Variants in ZNF385C observed in about 807,000 individuals in gnomAD.
ZNF385C encodes zinc finger protein 385C.
In ZNF385C, 28 loss-of-function variants were observed where a neutral mutation model predicts 35.4. The ratio of observed to expected loss-of-function variants is 0.79; its 90% CI spans 0.59 to 1.08. ZNF385C has a LOEUF of 1.08. ZNF385C is among the 50% of genes least tolerant of loss of function. The pLI is 0.00. For missense variants in ZNF385C, 605 were observed against 595.6 expected (o/e 1.02, Z -0.16); for synonymous variants, 248 against 248.2 (o/e 1.00, Z 0.01).
intron 8 of ZNF385C, 38 bp downstream of exon 8, chr17:42,027,580 C>G (rs782310937): frequency 1.4e-6 from 2 of 1,409,804 alleles, no homozygotes; most frequent in East Asian, 5.0e-5. Context: ...CTCTCCCCTC[C>G]TGACCCAGTC....
intron 2 of ZNF385C, among the ~76,000 whole-genome samples, chr17:42,041,554 T>G (rs1232770612): frequency 6.6e-6 from 1 of 152,226 alleles, no homozygotes; most frequent in African/African-American, 2.4e-5. Context: ...GTAAAAGCAC[T>G]TTATGAATCA....
At chr17:42,051,687 A>T (rs560198858) in intron 2 of ZNF385C, among the ~76,000 whole-genome samples, 4 of 152,258 alleles carry the variant, frequency 2.6e-5, no homozygotes, top group South Asian at 2.1e-4. Context: ...TCCAGACAGC[A>T]CAAAGTCACC....
intron 2 of ZNF385C, among the ~76,000 whole-genome samples, chr17:42,057,894 G>C (rs1010826445): frequency 6.6e-6 from 1 of 151,790 alleles, no homozygotes; most frequent in East Asian, 1.9e-4. Context: ...AATGAGTTGG[G>C]ATCACACCAC....
At position 42,055,199 on chromosome 17, in the gene ZNF385C, G is replaced by C. The variant is rs145187782; in HGVS notation, c.250+7608C>G. Among the ~76,000 whole-genome samples, 825 of 152,302 alleles carry C rather than the reference G, an allele frequency of 5.4e-3. 6 individuals carry two copies. Among genetic ancestry groups the C allele is most frequent in the African/African-American group, 0.014 (571 of 41,550 alleles). On this transcript the variant is annotated intron_variant, in intron 2 of 8. Transcript: ENST00000692273. Reference sequence around the variant, plus strand: ...AGAAGATCTGGGAGGGGTTGGCAGCGGCAGCTCCTGAAAACAGGTTTGTTA... The same window carrying C: ...AGAAGATCTGGGAGGGGTTGGCAGCCGCAGCTCCTGAAAACAGGTTTGTTA...
At chr17:42,027,552 T>TCAG in intron 8 of ZNF385C, 66 bp downstream of exon 8, 1 of 524,398 alleles carries the variant, frequency 1.9e-6, no homozygotes, top group Non-Finnish European at 3.5e-6. Flanking sequence ...CCCCCCCATC[T>TCAG]GGCCCTCCCA....
At chr17:42,051,811 G>A (rs1450754103) in intron 2 of ZNF385C, among the ~76,000 whole-genome samples, 2 of 152,136 alleles carry the variant, frequency 1.3e-5, no homozygotes, top group African/African-American at 4.8e-5. Context: ...GAACTCCTCT[G>A]CCCCAGCATC....
intron 1 of ZNF385C, among the ~76,000 whole-genome samples, chr17:42,091,324 C>T (rs2053861896): frequency 6.6e-6 from 1 of 152,084 alleles, no homozygotes; most frequent in African/African-American, 2.4e-5. Context: ...CCCAGCTATT[C>T]GTGAGGCTCT....
chr17:42,071,808 T>C (rs2053627662), intron 1 of ZNF385C, among the ~76,000 whole-genome samples: 1 of 152,222 alleles, frequency 6.6e-6, no homozygotes, highest in Non-Finnish European at 1.5e-5. Context: ...CCCAATCCCA[T>C]AGGACCCAGA....
intron 1 of ZNF385C, among the ~76,000 whole-genome samples, chr17:42,079,055 A>G (rs2053715604): frequency 1.3e-5 from 2 of 151,616 alleles, no homozygotes; most frequent in South Asian, 4.2e-4. Flanking sequence ...AGATAACAGA[A>G]TATACTAGCC....
At chr17:42,043,426 C>T in intron 2 of ZNF385C, 1 of 1,224,100 alleles carries the variant, frequency 8.2e-7, no homozygotes. Context: ...ATGCTCTTGC[C>T]CCCCTGCCTC....
At chr17:42,055,035 G>A (rs1370568088) in intron 2 of ZNF385C, among the ~76,000 whole-genome samples, 1 of 152,042 alleles carries the variant, frequency 6.6e-6, no homozygotes, top group Non-Finnish European at 1.5e-5. Context: ...GGGGTGGAGT[G>A]GGGGAAGGAG....
At chr17:42,028,600 A>T in intron 6 of ZNF385C, 183 bp downstream of exon 6, 1 of 775,592 alleles carries the variant, frequency 1.3e-6, no homozygotes, top group Non-Finnish European at 2.0e-6. Flanking sequence ...TTCTCTTCCC[A>T]ATTCTCCTTC....
chr17:42,058,114 A>T (rs1488958379), intron 2 of ZNF385C, among the ~76,000 whole-genome samples: 1 of 152,030 alleles, frequency 6.6e-6, no homozygotes, highest in Admixed American at 6.6e-5. Context: ...GGGAGTAAGA[A>T]TTCCAGGAGC....
chr17:42,043,483 C>T, intron 2 of ZNF385C: 1 of 1,048,202 alleles, frequency 9.5e-7, no homozygotes, highest in Non-Finnish European at 1.2e-6. Flanking sequence ...GATGGGGAGG[C>T]AGGCTGGGGG....
chr17:42,057,624 T>C (rs2143813535), intron 2 of ZNF385C, among the ~76,000 whole-genome samples: 1 of 149,196 alleles, frequency 6.7e-6, no homozygotes, highest in Admixed American at 6.7e-5. Flanking sequence ...GGCAAGGGGG[T>C]GAAAGAAGGC....
intron 1 of ZNF385C, among the ~76,000 whole-genome samples, chr17:42,063,300 G>A (rs1310434470): frequency 5.9e-5 from 9 of 152,082 alleles, no homozygotes; most frequent in East Asian, 1.9e-4. Context: ...AGGCCGAGGC[G>A]GGCAGGTCAC....
intron 6 of ZNF385C, 161 bp downstream of exon 6, chr17:42,028,622 A>T (rs1555654607): frequency 1.1e-6 from 1 of 897,172 alleles, no homozygotes; most frequent in East Asian, 2.7e-5. Flanking sequence ...CCAAGGAGTA[A>T]TGGGAGGACC....
chr17:42,032,879 CT>C (rs376197596), intron 4 of ZNF385C, among the ~76,000 whole-genome samples: 163 of 145,678 alleles, frequency 1.1e-3, no homozygotes, highest in Middle Eastern at 3.5e-3. Context: ...CAACTGGCTG[CT>C]TTTTTTTTTT....
chr17:42,057,493 G>GGTGTGTGTGTGT (rs1347050904), intron 2 of ZNF385C, among the ~76,000 whole-genome samples: 1 of 48,454 alleles, frequency 2.1e-5, no homozygotes, highest in Non-Finnish European at 5.3e-5. Flanking sequence ...GTTATTTAGG[G>GGTGTGTGTGTGT]GTGTGCGCGC....
Sources: allele counts gnomAD v4.1 joint callset (sites outside exome capture counted in the v4.1 genomes callset), GRCh38; gene constraint gnomAD v4.1.1; transcripts MANE v1.5; gene names NCBI Gene and HGNC (gene_info 2026-07-23, HGNC 2026-07-21).